Variants in UBE2Q2 observed in about 807,000 individuals in gnomAD.
UBE2Q2 encodes the protein ubiquitin conjugating enzyme E2 Q2, also known as ubiquitin-conjugating enzyme E2 Q2.
UBE2Q2 carries 54 observed loss-of-function variants against 59.9 expected under a neutral mutation model. The ratio of observed to expected loss-of-function variants is 0.90; its 90% CI spans 0.72 to 1.13. UBE2Q2 has a LOEUF of 1.13. UBE2Q2 is among the 50% of genes most tolerant of loss of function. UBE2Q2 has a pLI of 0.00. For synonymous variants in UBE2Q2, 165 were observed against 155.2 expected (o/e 1.06, Z -0.47); for missense variants, 433 against 441.9 (o/e 0.98, Z 0.18).
intron 2 of UBE2Q2, 91 bp downstream of exon 2, chr15:75,854,578 G>T: frequency 5.4e-6 from 4 of 736,160 alleles, no homozygotes; most frequent in African/African-American, 1.8e-5. Context: ...ATAAAAGCAT[G>T]ATTAATGATT....
At chr15:75,851,125 G>A (rs1456491094) in intron 1 of UBE2Q2, among the ~76,000 whole-genome samples, 2 of 151,246 alleles carry the variant, frequency 1.3e-5, no homozygotes, top group African/African-American at 4.9e-5. Flanking sequence ...AGATAATCCT[G>A]GATATTCTTC....
intron 7 of UBE2Q2, chr15:75,878,458 G>GAGT (rs1898205842): frequency 6.4e-6 from 1 of 155,576 alleles, no homozygotes; most frequent in Non-Finnish European, 1.4e-5. Context: ...AGGCATGGTG[G>GAGT]AGTACACCTG....
intron 9 of UBE2Q2, among the ~76,000 whole-genome samples, 179 bp from the exon 10 acceptor site, chr15:75,890,256 T>G (rs1407643334): frequency 6.6e-6 from 1 of 152,228 alleles, no homozygotes; most frequent in African/African-American, 2.4e-5. Flanking sequence ...TACATTAGCA[T>G]GATAACATTA....
chr15:75,878,017 C>G lies in UBE2Q2; in HGVS notation c.730C>G (p.Gln244Glu). 6.2e-7 allele frequency: 1 copy of G among 1,613,530 alleles called. No homozygotes were observed. The highest frequency in any genetic ancestry group is 2.2e-5 in the East Asian group (1 of 44,816). The change falls in exon 7 of 13, where the codon CAG (glutamine) becomes GAG (glutamate). Residue 244 changes from glutamine (Q) to glutamate (E), a missense_variant. By Grantham distance (29) the Gln-to-Glu change is conservative. Transcript: ENST00000267938. Reference protein sequence around the residue: ...DSLYDWHVKLQKVDPDSPLHS... With the variant: ...DSLYDWHVKLEKVDPDSPLHS... ...TTTATATGACTGGCATGTTAAACTG[C>G]AGAAGTAAGTGGCTTTTTAATGCTC...
At chr15:75,850,333 C>A (rs573207793) in intron 1 of UBE2Q2, among the ~76,000 whole-genome samples, 2 of 152,246 alleles carry the variant, frequency 1.3e-5, no homozygotes, top group Non-Finnish European at 2.9e-5. Context: ...ATGTGTGTTC[C>A]CTCTCCCTTA....
chr15:75,869,432 T>G (rs1056715740), intron 4 of UBE2Q2, among the ~76,000 whole-genome samples: 4 of 152,218 alleles, frequency 2.6e-5, no homozygotes, highest in Non-Finnish European at 4.4e-5. Context: ...CATCAAAGAA[T>G]TTTGTCTTAA....
rs917175151 is a variant in UBE2Q2 at position 75,900,388 on chromosome 15, G to A, written c.*930G>A. On this transcript the variant is annotated 3_prime_UTR_variant, in exon 13 of 13. Coordinates refer to ENST00000267938, the MANE Select transcript of UBE2Q2 (RefSeq NM_173469.4). ...GTAATTTTTGCCATGTCAAAACAATGGCTTTTACATTGAAAGATTAATAGA... is the reference window on the plus strand; with the variant it reads ...GTAATTTTTGCCATGTCAAAACAATAGCTTTTACATTGAAAGATTAATAGA... 6.6e-6 allele frequency: 1 copy of A among 152,542 alleles called. No individual in the cohort carries two copies. The highest frequency in any genetic ancestry group is 2.4e-5 in the African/African-American group (1 of 41,404). The allele number at this position is 152,542 out of a possible 1,614,324, so 9.4% of individuals were successfully genotyped here.
At chr15:75,877,760 C>T (rs924558180) in intron 6 of UBE2Q2, among the ~76,000 whole-genome samples, 2 of 152,154 alleles carry the variant, frequency 1.3e-5, no homozygotes, top group Non-Finnish European at 2.9e-5. Flanking sequence ...AAAGAATCTT[C>T]TCAGTTGATG....
chr15:75,883,491 G>A (rs189599506), intron 9 of UBE2Q2, 67 bp downstream of exon 9: 13 of 1,143,134 alleles, frequency 1.1e-5, no homozygotes, highest in South Asian at 4.0e-5. Flanking sequence ...TTATAGGGAC[G>A]AGATCTCACT....
chr15:75,873,664 T>C, intron 5 of UBE2Q2, 96 bp downstream of exon 5: 2 of 1,350,918 alleles, frequency 1.5e-6, no homozygotes, highest in Middle Eastern at 1.9e-4. Flanking sequence ...TCAGCTGCCC[T>C]CTTCCTCCAT....
At chr15:75,872,705 A>G (rs1897863038) in intron 4 of UBE2Q2, among the ~76,000 whole-genome samples, 1 of 151,948 alleles carries the variant, frequency 6.6e-6, no homozygotes, top group Non-Finnish European at 1.5e-5. Context: ...TTTTCTAGTT[A>G]TAAACGTCAA....
chr15:75,845,771 C>CT (rs1329990655), intron 1 of UBE2Q2, among the ~76,000 whole-genome samples: 3 of 152,082 alleles, frequency 2.0e-5, no homozygotes, highest in Admixed American at 6.5e-5. Flanking sequence ...ATTATCCCAC[C>CT]TAAAGTGCCA....
intron 8 of UBE2Q2, among the ~76,000 whole-genome samples, chr15:75,882,388 AG>A (rs1334085145): frequency 6.6e-6 from 1 of 152,156 alleles, no homozygotes; most frequent in Non-Finnish European, 1.5e-5. Flanking sequence ...CCTGAGTTCC[AG>A]GGTATAGACT....
At chr15:75,870,298 A>T (rs1444638754) in intron 4 of UBE2Q2, among the ~76,000 whole-genome samples, 1 of 152,122 alleles carries the variant, frequency 6.6e-6, no homozygotes, top group Non-Finnish European at 1.5e-5. Context: ...TGAACTCCTG[A>T]CCTCAAGTGA....
chr15:75,845,150 G>A (rs1266277284), intron 1 of UBE2Q2, among the ~76,000 whole-genome samples: 1 of 152,136 alleles, frequency 6.6e-6, no homozygotes, highest in Non-Finnish European at 1.5e-5. Context: ...GAAAGCCAAA[G>A]CAACTAATTT....
chr15:75,853,882 C>T (rs1413860715), intron 1 of UBE2Q2, among the ~76,000 whole-genome samples: 1 of 152,110 alleles, frequency 6.6e-6, no homozygotes, highest in East Asian at 1.9e-4. Context: ...TGGTCTGAGG[C>T]CTTTTATAAT....
At chr15:75,844,366 T>C (rs1294635473) in intron 1 of UBE2Q2, 3 of 1,551,042 alleles carry the variant, frequency 1.9e-6, no homozygotes, top group African/African-American at 1.4e-5. Context: ...GAGAATGGAC[T>C]CGTTGACGGA....
intron 4 of UBE2Q2, among the ~76,000 whole-genome samples, chr15:75,871,317 G>A (rs935982903): frequency 1.3e-5 from 2 of 152,264 alleles, no homozygotes; most frequent in South Asian, 4.2e-4. Context: ...GCCCAGGGAC[G>A]GGCAGGAGGC....
At chr15:75,890,289 C>T (rs531243791) in intron 9 of UBE2Q2, 146 bp from the exon 10 acceptor site, 4 of 613,006 alleles carry the variant, frequency 6.5e-6, no homozygotes, top group East Asian at 5.7e-5. Context: ...TACCCATAGT[C>T]CTGTATCCCT....
Sources: allele counts gnomAD v4.1 joint callset (sites outside exome capture counted in the v4.1 genomes callset), GRCh38; gene constraint gnomAD v4.1.1; transcripts MANE v1.5; gene names NCBI Gene and HGNC (gene_info 2026-07-23, HGNC 2026-07-21).